The following TENM2 variants were observed in gnomAD, a reference collection of about 807,000 sequenced individuals.
TENM2 encodes the protein teneurin transmembrane protein 2, also known as teneurin-2.
A neutral mutation model predicts 245.2 loss-of-function variants in TENM2; 52 were observed. The ratio of observed to expected loss-of-function variants is 0.21; its 90% CI spans 0.17 to 0.27. The LOEUF is 0.27. Ranked by LOEUF, TENM2 falls within the 10% of genes least tolerant of loss-of-function variation. The pLI, the probability that TENM2 is intolerant of heterozygous loss-of-function variation, is 1.00. For synonymous variants in TENM2, 1,363 were observed against 1,438.9 expected, an observed-to-expected ratio of 0.95 and a Z score of 1.19; for missense variants, 3,046 against 3,666.8, an observed-to-expected ratio of 0.83 and a Z score of 4.37.
At chr5:167,098,624 A>T in the TENM2 span, among the ~76,000 whole-genome samples, 1 of 152,196 alleles carries the variant, frequency 6.6e-6, no homozygotes, top group Non-Finnish European at 1.5e-5. Flanking sequence ...GTGAGACTTT[A>T]TCTGAGATGA....
intron 11 of TENM2, among the ~76,000 whole-genome samples, chr5:168,125,853 G>A (rs913243494): frequency 3.3e-5 from 5 of 152,140 alleles, no homozygotes; most frequent in African/African-American, 4.8e-5. Flanking sequence ...TGGCAAGGCC[G>A]TGCAGATGAT....
intron 19 of TENM2, among the ~76,000 whole-genome samples, chr5:168,209,298 A>G (rs1433277585): frequency 6.6e-6 from 1 of 152,222 alleles, no homozygotes; most frequent in Non-Finnish European, 1.5e-5. Flanking sequence ...AGTCTTTGAA[A>G]TGATGCTCAT....
intron 2 of TENM2, among the ~76,000 whole-genome samples, chr5:167,783,511 C>T (rs1764349080): frequency 1.3e-5 from 2 of 152,184 alleles, no homozygotes; most frequent in South Asian, 2.1e-4. Context: ...CCCCAGGAAA[C>T]TCGTTAATGC....
At chr5:167,796,636 G>A (rs563595112) in intron 2 of TENM2, among the ~76,000 whole-genome samples, 109 of 152,032 alleles carry the variant, frequency 7.2e-4, no homozygotes, top group African/African-American at 2.0e-3. Context: ...GTGTGTGTGC[G>A]TGTGCAGAAT....
At chr5:167,390,810 T>C (rs186488670) in intron 2 of TENM2, among the ~76,000 whole-genome samples, 1 of 152,280 alleles carries the variant, frequency 6.6e-6, no homozygotes, top group East Asian at 1.9e-4. Context: ...CTGATACACA[T>C]TTATGGCTAT....
chr5:167,649,278 T>A (rs1033300122), intron 2 of TENM2, among the ~76,000 whole-genome samples: 15 of 152,172 alleles, frequency 9.9e-5, no homozygotes, highest in African/African-American at 3.6e-4. Context: ...GCCTTGCCTT[T>A]GCTGGTGCAA....
At chr5:168,097,944 A>G in intron 8 of TENM2, 82 bp from the exon 11 acceptor site, 1 of 1,009,184 alleles carries the variant, frequency 9.9e-7, no homozygotes, top group Middle Eastern at 2.1e-4. Flanking sequence ...ACTGGTCTTT[A>G]AAAGTGGCAA....
chr5:167,055,579 T>G, the TENM2 span, among the ~76,000 whole-genome samples: 2 of 152,124 alleles, frequency 1.3e-5, no homozygotes, highest in Non-Finnish European at 2.9e-5. Flanking sequence ...TTCTTTGATA[T>G]CTTTCATAAG....
At chr5:167,609,504 A>C (rs1049435169) in intron 2 of TENM2, among the ~76,000 whole-genome samples, 4 of 145,066 alleles carry the variant, frequency 2.8e-5, no homozygotes, top group East Asian at 4.1e-4. Flanking sequence ...AAAAAAAAAA[A>C]AAAAAAAACA....
chr5:167,052,008 T>A, the TENM2 span, among the ~76,000 whole-genome samples: 1 of 152,186 alleles, frequency 6.6e-6, no homozygotes, highest in African/African-American at 2.4e-5. Flanking sequence ...ATCTTCTGTG[T>A]ATAATATTTG....
intron 2 of TENM2, among the ~76,000 whole-genome samples, chr5:167,638,975 T>A (rs931454051): frequency 1.3e-5 from 2 of 152,220 alleles, no homozygotes; most frequent in Non-Finnish European, 2.9e-5. Context: ...GTTTTGGAAT[T>A]AAGTTCCTAA....
Position 167,841,081 on chromosome 5 carries a change from G to A in TENM2, c.503-34905G>A, listed in dbSNP as rs1467140561. On this transcript the variant is annotated intron_variant, in intron 2 of 28. Transcript: ENST00000518659. ...TCCTCATTTTTTTTTTTTGAGATGGGAGTCTCGCTCTGTCAACCCGGATGG... is the reference window on the plus strand; with the variant it reads ...TCCTCATTTTTTTTTTTTGAGATGGAAGTCTCGCTCTGTCAACCCGGATGG... 3.3e-5 allele frequency among the ~76,000 whole-genome samples: 5 copies of A among 151,366 alleles called. No homozygotes were observed. The East Asian group carries it at 9.7e-4, about 29-fold the overall frequency.
At chr5:167,499,822 GTGTGCA>G (rs930798282) in intron 2 of TENM2, among the ~76,000 whole-genome samples, 3 of 150,642 alleles carry the variant, frequency 2.0e-5, no homozygotes, top group African/African-American at 7.4e-5. Flanking sequence ...GTGTGTGTGT[GTGTGCA>G]TGTGTATGTG....
chr5:168,110,205 C>T (rs1446887961), intron 9 of TENM2, among the ~76,000 whole-genome samples: 1 of 151,976 alleles, frequency 6.6e-6, no homozygotes, highest in Non-Finnish European at 1.5e-5. Context: ...ATAAACCAGT[C>T]TTTAGAAAGA....
intron 3 of TENM2, among the ~76,000 whole-genome samples, chr5:167,911,082 A>T (rs1391238879): frequency 6.6e-6 from 1 of 152,228 alleles, no homozygotes; most frequent in Non-Finnish European, 1.5e-5. Context: ...CTCAAGAATT[A>T]AGAGTAATTT....
At chr5:167,458,845 CTG>C (rs898834861) in intron 2 of TENM2, among the ~76,000 whole-genome samples, 3 of 152,188 alleles carry the variant, frequency 2.0e-5, no homozygotes, top group African/African-American at 7.2e-5. Context: ...AAGTAGCACA[CTG>C]TGGGTGAAAG....
intron 4 of TENM2, among the ~76,000 whole-genome samples, chr5:167,970,707 G>T (rs1486290311): frequency 1.3e-5 from 2 of 152,134 alleles, no homozygotes; most frequent in African/African-American, 4.8e-5. Flanking sequence ...GGTAATATCA[G>T]AATAGTTCTG....
the TENM2 span, among the ~76,000 whole-genome samples, chr5:166,985,478 T>C: frequency 1.3e-5 from 2 of 152,166 alleles, no homozygotes; most frequent in Admixed American, 6.6e-5. Context: ...CTATGAATAA[T>C]AACATAATTA....
At chr5:167,340,337 C>T (rs1221220543) in intron 1 of TENM2, among the ~76,000 whole-genome samples, 1 of 152,174 alleles carries the variant, frequency 6.6e-6, no homozygotes, top group Non-Finnish European at 1.5e-5. Context: ...TGTGTCACTT[C>T]CAGGGTGCAA....
Sources: allele counts gnomAD v4.1 joint callset (sites outside exome capture counted in the v4.1 genomes callset), GRCh38; gene constraint gnomAD v4.1.1; transcripts MANE v1.5; gene names NCBI Gene and HGNC (gene_info 2026-07-23, HGNC 2026-07-21).